Variants in TEAD1 observed in about 807,000 individuals in gnomAD.
TEAD1 encodes the protein transcriptional enhancer factor TEF-1.
In TEAD1, 9 loss-of-function variants were observed where a neutral mutation model predicts 54.9. The observed-to-expected ratio is 0.16, with a 90% CI of 0.10 to 0.29. The LOEUF is 0.29. Ranked by LOEUF, TEAD1 falls within the 10% of genes least tolerant of loss-of-function variation. The pLI is 1.00. For missense variants in TEAD1, 387 were observed against 535.9 expected (o/e 0.72, Z 2.74); for synonymous variants, 200 against 187.8 (o/e 1.07, Z -0.53).
chr11:12,793,847 T>G (rs1230956724), intron 3 of TEAD1, among the ~76,000 whole-genome samples: 1 of 152,186 alleles, frequency 6.6e-6, no homozygotes, highest in Non-Finnish European at 1.5e-5. Flanking sequence ...ACTTTCTCAT[T>G]GTGATCTGAC....
At chr11:12,676,693 A>G (rs905173465) in intron 2 of TEAD1, among the ~76,000 whole-genome samples, 2 of 152,224 alleles carry the variant, frequency 1.3e-5, no homozygotes, top group Admixed American at 6.5e-5. Context: ...GAGGTTTTGA[A>G]TTGTTGAATT....
rs528324284 is a variant in TEAD1 at position 12,857,533 on chromosome 11, T to G, written c.203-4717T>G. Reference sequence around the variant, plus strand: ...AGTTAGCTTTATTGAAAGTCATTTTTGTAGCATCAGGTTTACTGAATCAAG... The same window carrying G: ...AGTTAGCTTTATTGAAAGTCATTTTGGTAGCATCAGGTTTACTGAATCAAG... On this transcript the variant is annotated intron_variant, in intron 3 of 12. Coordinates refer to ENST00000527636, the MANE Select transcript of TEAD1 (RefSeq NM_021961.6). Among the ~76,000 whole-genome samples, 29 of 152,090 alleles carry G rather than the reference T, an allele frequency of 1.9e-4. 1 individual carries two copies. The South Asian group carries it at 6.0e-3, about 32-fold the overall frequency.
chr11:12,912,723 T>G (rs1948639676), intron 10 of TEAD1, among the ~76,000 whole-genome samples: 1 of 152,230 alleles, frequency 6.6e-6, no homozygotes, highest in Non-Finnish European at 1.5e-5. Flanking sequence ...CCTCCCATCC[T>G]CTTCTATCAA....
At chr11:12,705,217 A>G (rs969630382) in intron 2 of TEAD1, among the ~76,000 whole-genome samples, 4 of 152,234 alleles carry the variant, frequency 2.6e-5, no homozygotes, top group East Asian at 3.8e-4. Context: ...TAGGGAACCA[A>G]CAGGTCTTTG....
intron 12 of TEAD1, among the ~76,000 whole-genome samples, chr11:12,934,224 C>G (rs1306062180): frequency 6.6e-6 from 1 of 152,166 alleles, no homozygotes; most frequent in Non-Finnish European, 1.5e-5. Flanking sequence ...ATGATGAGTT[C>G]ATGTCCTTTG....
At chr11:12,796,656 G>A (rs1458160915) in intron 3 of TEAD1, among the ~76,000 whole-genome samples, 1 of 151,826 alleles carries the variant, frequency 6.6e-6, no homozygotes, top group Non-Finnish European at 1.5e-5. Flanking sequence ...GCCCAAGGAG[G>A]TTGAGGCTTC....
intron 2 of TEAD1, among the ~76,000 whole-genome samples, chr11:12,723,216 A>G (rs1944248446): frequency 6.6e-6 from 1 of 152,230 alleles, no homozygotes; most frequent in Non-Finnish European, 1.5e-5. Context: ...CTTGCACTAG[A>G]TAGTATAATT....
intron 3 of TEAD1, among the ~76,000 whole-genome samples, chr11:12,844,921 T>C (rs983684605): frequency 4.6e-5 from 7 of 151,234 alleles, no homozygotes; most frequent in African/African-American, 1.7e-4. Flanking sequence ...CCATTATGGC[T>C]TTCTCCTGGT....
At chr11:12,825,647 G>A (rs56120222) in intron 3 of TEAD1, among the ~76,000 whole-genome samples, 1 of 152,036 alleles carries the variant, frequency 6.6e-6, no homozygotes, top group Non-Finnish European at 1.5e-5. Flanking sequence ...AAAAAAAATT[G>A]TCAAGCTGTT....
intron 2 of TEAD1, among the ~76,000 whole-genome samples, chr11:12,747,679 G>T (rs1353472050): frequency 6.6e-6 from 1 of 152,146 alleles, no homozygotes; most frequent in Non-Finnish European, 1.5e-5. Flanking sequence ...CGGTGTGTCT[G>T]GCACAGTTAA....
chr11:12,703,271 G>A (rs1943742043), intron 2 of TEAD1, among the ~76,000 whole-genome samples: 2 of 152,188 alleles, frequency 1.3e-5, no homozygotes, highest in African/African-American at 4.8e-5. Flanking sequence ...CCTTAGCAGA[G>A]GATGGGGGCT....
At chr11:12,774,431 G>A (rs372601218) in intron 3 of TEAD1, among the ~76,000 whole-genome samples, 2 of 152,292 alleles carry the variant, frequency 1.3e-5, no homozygotes, top group East Asian at 3.9e-4. Context: ...TGGCCCCATG[G>A]ATATGCATGG....
At chr11:12,855,842 G>C (rs1947365224) in intron 3 of TEAD1, among the ~76,000 whole-genome samples, 1 of 151,794 alleles carries the variant, frequency 6.6e-6, no homozygotes, top group South Asian at 2.1e-4. Flanking sequence ...CAGCTACTTG[G>C]GAGGCTGAGG....
intron 2 of TEAD1, among the ~76,000 whole-genome samples, chr11:12,702,147 T>C (rs1249487998): frequency 1.3e-5 from 2 of 152,166 alleles, no homozygotes; most frequent in Admixed American, 6.5e-5. Flanking sequence ...AAATGGTCAG[T>C]TTCCCTCTCA....
At chr11:12,712,963 C>T (rs564291133) in intron 2 of TEAD1, among the ~76,000 whole-genome samples, 13 of 152,266 alleles carry the variant, frequency 8.5e-5, no homozygotes, top group African/African-American at 2.9e-4. Context: ...GGAGGGTTCT[C>T]GGGTTGGTGA....
At chr11:12,838,606 T>A (rs1946957833) in intron 3 of TEAD1, among the ~76,000 whole-genome samples, 1 of 152,230 alleles carries the variant, frequency 6.6e-6, no homozygotes, top group Non-Finnish European at 1.5e-5. Context: ...TATTATAGAT[T>A]GGTTTTAAAA....
chr11:12,709,645 G>T (rs1943892667), intron 2 of TEAD1, among the ~76,000 whole-genome samples: 1 of 152,112 alleles, frequency 6.6e-6, no homozygotes, highest in African/African-American at 2.4e-5. Context: ...CCCCCAAGTA[G>T]CTAGAACTAC....
intron 3 of TEAD1, among the ~76,000 whole-genome samples, chr11:12,845,970 G>A (rs1214668452): frequency 6.6e-5 from 10 of 152,198 alleles, no homozygotes; most frequent in African/African-American, 2.4e-4. Flanking sequence ...TCCAGCAGCC[G>A]AGCATGCTTA....
At chr11:12,839,521 C>T (rs1401888783) in intron 3 of TEAD1, among the ~76,000 whole-genome samples, 1 of 152,200 alleles carries the variant, frequency 6.6e-6, no homozygotes, top group African/African-American at 2.4e-5. Flanking sequence ...ATTCAGTTAA[C>T]AGTTATTATG....
Sources: gnomAD v4.1 joint callset for allele counts (sites outside exome capture counted in the v4.1 genomes callset) on GRCh38, gnomAD v4.1.1 for gene constraint, MANE v1.5 for transcripts, NCBI Gene and HGNC (gene_info 2026-07-23, HGNC 2026-07-21) for gene names.